The following CACNA1D variants were observed in gnomAD, a reference collection of about 807,000 sequenced individuals.
CACNA1D encodes the protein voltage-dependent L-type calcium channel subunit alpha-1D.
CACNA1D carries 55 observed loss-of-function variants against 257.1 expected under a neutral mutation model. The observed-to-expected ratio is 0.21, with a 90% CI of 0.17 to 0.27. CACNA1D has a LOEUF of 0.27. Ranked by LOEUF, CACNA1D falls within the 10% of genes least tolerant of loss-of-function variation. The pLI, the probability that CACNA1D is intolerant of heterozygous loss-of-function variation, is 1.00. For synonymous variants in CACNA1D, 980 were observed against 1,014.9 expected, an observed-to-expected ratio of 0.97 and a Z score of 0.65; for missense variants, 1,876 against 2,784.0, an observed-to-expected ratio of 0.67 and a Z score of 7.34.
At position 53,660,186 on chromosome 3, in the gene CACNA1D, A is replaced by C; in HGVS notation, c.677A>C (p.His226Pro). The part of the protein sequence containing the change: ...QLTKETEGGN[H>P]SSGKSGGFDV... ...ACCAAAGAAACAGAAGGCGGGAACC[A>C]CTCAAGCGGCAAATCTGGAGGCTTT... The change falls in exon 5 of 48, where the codon CAC (histidine) becomes CCC (proline). Residue 226 changes from histidine to proline, a missense_variant. Transcript: ENST00000350061. 6.2e-7 allele frequency: 1 copy of C among 1,614,026 alleles called. No homozygotes were observed. Among genetic ancestry groups the C allele is most frequent in the Non-Finnish European group, 8.5e-7 (1 of 1,179,882 alleles).
chr3:53,653,299 A>G (rs550212889), intron 4 of CACNA1D, among the ~76,000 whole-genome samples: 30 of 152,316 alleles, frequency 2.0e-4, no homozygotes, highest in African/African-American at 7.2e-4. Flanking sequence ...GCCAGAACAT[A>G]ACTCAACATT....
chr3:53,651,849 T>TA, intron 4 of CACNA1D, among the ~76,000 whole-genome samples: 1 of 152,226 alleles, frequency 6.6e-6, no homozygotes, highest in East Asian at 1.9e-4. Flanking sequence ...TCTTGTGGAT[T>TA]ATCCTTTTAT....
chr3:53,650,049 G>A (rs76590998), intron 3 of CACNA1D, among the ~76,000 whole-genome samples: 2,163 of 152,328 alleles, frequency 0.014, 31 homozygotes, highest in Non-Finnish European at 0.02. Context: ...AGATGGGCAT[G>A]GCTGCTGGGA....
At chr3:53,805,332 G>T in intron 45 of CACNA1D, 186 bp downstream of exon 45, 1 of 632,160 alleles carries the variant, frequency 1.6e-6, no homozygotes, top group South Asian at 1.9e-5. Flanking sequence ...TCACGTGATA[G>T]AGCTCTAGCC....
At chr3:53,700,924 C>T (rs754905772) in intron 8 of CACNA1D, among the ~76,000 whole-genome samples, 2 of 150,358 alleles carry the variant, frequency 1.3e-5, no homozygotes, top group Non-Finnish European at 2.9e-5. Context: ...GCTCCGTTGC[C>T]CAGGCTGGAG....
rs991795021 is a variant in CACNA1D, at chr3:53,812,729, T to C, written c.*1323T>C. 1 of 152,262 alleles carries C rather than the reference T, an allele frequency of 6.6e-6. No individual in the cohort carries two copies. Among genetic ancestry groups the C allele is most frequent in the Admixed American group, 6.5e-5 (1 of 15,284 alleles). The allele number at this position is 152,262 out of a possible 1,614,324, so 9.4% of individuals were successfully genotyped here. ...CAGAAATGCATAGGTGGATGAGATATAGCTGCTCTTGTCCTCTGGGGACTG... is the reference window on the plus strand; with the variant it reads ...CAGAAATGCATAGGTGGATGAGATACAGCTGCTCTTGTCCTCTGGGGACTG... On this transcript the variant is annotated 3_prime_UTR_variant, in exon 48 of 48. Transcript: ENST00000350061.
At chr3:53,632,012 T>C (rs568703312) in intron 3 of CACNA1D, among the ~76,000 whole-genome samples, 42 of 152,300 alleles carry the variant, frequency 2.8e-4, no homozygotes, top group Non-Finnish European at 5.1e-4. Context: ...AAAGGAGCAT[T>C]GGCTTCAACT....
Position 53,776,588 on chromosome 3 carries a change from T to C in CACNA1D, c.4363-15T>C, listed in dbSNP as rs765493590. 2 of 1,614,208 alleles carry C rather than the reference T, an allele frequency of 1.2e-6. No homozygotes were observed. The highest frequency in any genetic ancestry group is 1.7e-6 in the Non-Finnish European group (2 of 1,180,010). On this transcript the variant is annotated splice_polypyrimidine_tract_variant and intron_variant, in intron 35 of 47. Transcript: ENST00000350061. Reference sequence around the variant, plus strand: ...GCTGCAGCTGAAGTTCTTCCTTTCCTATTTGCTTTTTCAGATCATCAATCT... The same window carrying C: ...GCTGCAGCTGAAGTTCTTCCTTTCCCATTTGCTTTTTCAGATCATCAATCT...
chr3:53,749,492 G>T (rs369380277), intron 27 of CACNA1D, 23 bp downstream of exon 27: 6 of 1,565,690 alleles, frequency 3.8e-6, no homozygotes, highest in South Asian at 1.1e-5. Context: ...CACTGTTTTG[G>T]CTTCTGTCCC....
chr3:53,797,373 G>C (rs1317130794), intron 40 of CACNA1D, among the ~76,000 whole-genome samples: 1 of 152,194 alleles, frequency 6.6e-6, no homozygotes, highest in Non-Finnish European at 1.5e-5. Context: ...TGAAAAAGTA[G>C]AGTCAGTCCC....
chr3:53,494,846 A>C lies in CACNA1D; in HGVS notation c.-321A>C, dbSNP rs1442026768. ...GCGTCTCTCCGCTAGAGGAGGGGAC[A>C]AGCCAGTTCTCCTTTGCAGCAAAAA... On this transcript the variant is annotated 5_prime_UTR_variant, in exon 1 of 48. Coordinates refer to ENST00000350061, the MANE Select transcript of CACNA1D (RefSeq NM_001128840.3). 1 of 204,676 alleles carries C rather than the reference A, an allele frequency of 4.9e-6. No homozygotes were observed. Among genetic ancestry groups the C allele is most frequent in the African/African-American group, 2.3e-5 (1 of 43,178 alleles). The allele number at this position is 204,676 out of a possible 1,614,324, so 12.7% of individuals were successfully genotyped here. A position where few individuals can be genotyped will look rare whatever the true frequency, so the allele number is the denominator to read the frequency against.
At chr3:53,703,835 C>G (rs895605247) in intron 9 of CACNA1D, among the ~76,000 whole-genome samples, 7 of 152,138 alleles carry the variant, frequency 4.6e-5, no homozygotes, top group Non-Finnish European at 7.3e-5. Context: ...TAGGGAGAGA[C>G]AGGCCTGTCA....
chr3:53,779,913 T>C, intron 37 of CACNA1D, 113 bp from the exon 38 acceptor site: 1 of 821,742 alleles, frequency 1.2e-6, no homozygotes, highest in Middle Eastern at 2.5e-4. Context: ...TTGAATGGAA[T>C]TGAGGGTTGA....
chr3:53,689,346 G>A (rs966437444), intron 8 of CACNA1D, among the ~76,000 whole-genome samples: 1 of 151,902 alleles, frequency 6.6e-6, no homozygotes, highest in Non-Finnish European at 1.5e-5. Flanking sequence ...AGAGAGGCAG[G>A]GTTTTTTTTT....
intron 43 of CACNA1D, among the ~76,000 whole-genome samples, chr3:53,802,926 T>G (rs534233445): frequency 2.0e-4 from 30 of 152,234 alleles, no homozygotes; most frequent in African/African-American, 7.2e-4. Flanking sequence ...TGTGACAGTT[T>G]CCCCTGTGGC....
intron 3 of CACNA1D, among the ~76,000 whole-genome samples, chr3:53,559,927 T>C (rs2092707949): frequency 1.3e-5 from 2 of 152,110 alleles, no homozygotes; most frequent in Admixed American, 6.5e-5. Context: ...ATCATTCTTC[T>C]TTCTCAGAGT....
chr3:53,691,829 T>A (rs1457300339), intron 8 of CACNA1D, among the ~76,000 whole-genome samples: 4 of 94,734 alleles, frequency 4.2e-5, no homozygotes, highest in Non-Finnish European at 8.3e-5. Context: ...ATTATATCTA[T>A]AATATATATT....
chr3:53,705,744 C>T (rs2094681679), intron 9 of CACNA1D, among the ~76,000 whole-genome samples: 1 of 152,172 alleles, frequency 6.6e-6, no homozygotes, highest in African/African-American at 2.4e-5. Flanking sequence ...CACCAAGTCT[C>T]CTCCTCCTCT....
intron 3 of CACNA1D, among the ~76,000 whole-genome samples, chr3:53,612,823 C>G (rs2093597338): frequency 6.6e-6 from 1 of 152,186 alleles, no homozygotes; most frequent in African/African-American, 2.4e-5. Context: ...GGGAGCCCAT[C>G]TCTCAGGCAT....
Sources: allele counts gnomAD v4.1 joint callset (sites outside exome capture counted in the v4.1 genomes callset), GRCh38; gene constraint gnomAD v4.1.1; transcripts MANE v1.5; gene names NCBI Gene and HGNC (gene_info 2026-07-23, HGNC 2026-07-21).